GPC6: variants seen among roughly 807,000 people sequenced by gnomAD.
The protein encoded by GPC6 is glypican 6, also known as glypican-6.
In GPC6, 14 loss-of-function variants were observed where a neutral mutation model predicts 55.2. The observed-to-expected ratio is 0.25, with a 90% confidence interval of 0.17 to 0.40. The LOEUF is 0.40. Among genes scored for constraint, GPC6 ranks in the 10% least tolerant of loss-of-function variants. GPC6 has a pLI of 1.00. For missense variants in GPC6, 641 were observed against 708.5 expected (o/e 0.90, Z 1.08); for synonymous variants, 278 against 259.6 (o/e 1.07, Z -0.68).
rs73544615 is a variant in GPC6 at position 93,360,507 on chromosome 13, G to A, written c.160+132891G>A. On this transcript the variant is annotated intron_variant, in intron 1 of 8. Coordinates refer to ENST00000377047, the MANE Select transcript of GPC6 (RefSeq NM_005708.5). ...GTTAGTATGGTCCACGGATACCAGA[G>A]CCTATAAAATAATATCATGGATTTA... is the stretch of plus-strand genomic sequence containing the variant. Among the ~76,000 whole-genome samples the A allele has an allele frequency of 6.4e-3, 976 of 152,272 alleles. 13 individuals are homozygous for A. The highest frequency in any genetic ancestry group is 0.021 in the African/African-American group (865 of 41,556).
At chr13:94,123,718 G>A (rs1057293890) in intron 4 of GPC6, among the ~76,000 whole-genome samples, 2 of 151,996 alleles carry the variant, frequency 1.3e-5, no homozygotes, top group Admixed American at 6.6e-5. Flanking sequence ...AAGGGAGTGG[G>A]GGAGGGGGTA....
rs1222451221 is a variant in GPC6 at position 94,190,088 on chromosome 13, C to T, written c.878-96261C>T. ...CCTGTAATCCCAACACTTTGGGAGG[C>T]CAAGGGGGGCAGATCACCTGAGCCC... On this transcript the variant is annotated intron_variant, in intron 4 of 8. Transcript: ENST00000377047. 2.6e-5 allele frequency among the ~76,000 whole-genome samples: 4 copies of T among 151,702 alleles called. No homozygotes were observed. The East Asian group carries it at 7.8e-4, about 30-fold the overall frequency.
At chr13:93,352,092 A>C (rs1880651536) in intron 1 of GPC6, among the ~76,000 whole-genome samples, 1 of 152,184 alleles carries the variant, frequency 6.6e-6, no homozygotes, top group Non-Finnish European at 1.5e-5. Flanking sequence ...AATCAGGAGT[A>C]ATTACTTAAT....
chr13:93,981,016 A>G (rs575637758), intron 3 of GPC6, among the ~76,000 whole-genome samples: 2 of 152,258 alleles, frequency 1.3e-5, no homozygotes, highest in Non-Finnish European at 1.5e-5. Context: ...GCTATTTTCT[A>G]TTACCTCAAA....
intron 3 of GPC6, among the ~76,000 whole-genome samples, chr13:93,946,555 A>G (rs552506989): frequency 6.6e-6 from 1 of 152,374 alleles, no homozygotes; most frequent in East Asian, 1.9e-4. Context: ...CAAGTGGTAT[A>G]AGGACACACA....
chr13:93,596,778 A>C (rs534965690), intron 2 of GPC6, among the ~76,000 whole-genome samples: 48 of 148,652 alleles, frequency 3.2e-4, no homozygotes, highest in Admixed American at 1.1e-3. Context: ...ATATACACAC[A>C]TACACAGGTA....
At chr13:94,042,756 C>T (rs1883586149) in intron 4 of GPC6, among the ~76,000 whole-genome samples, 1 of 151,878 alleles carries the variant, frequency 6.6e-6, no homozygotes, top group Non-Finnish European at 1.5e-5. Flanking sequence ...TCTCCTCAAC[C>T]TTTCACCTCT....
At position 93,545,420 on chromosome 13, in the gene GPC6, C is replaced by G; in HGVS notation, c.318C>G (p.Asp106Glu). The G allele has an allele frequency of 1.9e-6, 3 of 1,612,638 alleles. No homozygotes were observed. Among genetic ancestry groups the G allele is most frequent in the South Asian group, 1.1e-5 (1 of 91,052 alleles). Residue 106 changes from aspartate (D) to glutamate (E), a missense_variant and splice_region_variant, in exon 2 of 9, where the codon GAC becomes GAG. Coordinates refer to ENST00000377047, the MANE Select transcript of GPC6 (RefSeq NM_005708.5). ...TTFVSRHKKFDEFFRELLENA... is the reference protein window; with the variant it reads ...TTFVSRHKKFEEFFRELLENA... Reference sequence around the variant, plus strand: ...TTGTGTCCAGGCATAAGAAATTTGACGGTAGGTGAAATGGTTTTCACTTCA... The same window carrying G: ...TTGTGTCCAGGCATAAGAAATTTGAGGGTAGGTGAAATGGTTTTCACTTCA...
At chr13:93,680,444 A>G (rs1191211997) in intron 2 of GPC6, among the ~76,000 whole-genome samples, 1 of 152,160 alleles carries the variant, frequency 6.6e-6, no homozygotes, top group Non-Finnish European at 1.5e-5. Context: ...GTAATCCAAT[A>G]CAGGGAGATT....
Position 93,775,854 on chromosome 13 carries a change from T to C in GPC6, c.320-54300T>C, listed in dbSNP as rs527455673. Among the ~76,000 whole-genome samples, 9 of 152,256 alleles carry C rather than the reference T, an allele frequency of 5.9e-5. No homozygotes were observed. The South Asian group carries it at 1.7e-3, about 28-fold the overall frequency. ...AGAGTTTTAAAGTTACTTAGAGATA[T>C]AGTGCTGTCAGAAAATAATTCTCTG... On this transcript the variant is annotated intron_variant, in intron 2 of 8. Transcript: ENST00000377047.
chr13:94,068,967 G>T (rs1168853895), intron 4 of GPC6, among the ~76,000 whole-genome samples: 1 of 152,174 alleles, frequency 6.6e-6, no homozygotes, highest in African/African-American at 2.4e-5. Context: ...GAGGACAGTG[G>T]CCCTTTTCTC....
intron 1 of GPC6, among the ~76,000 whole-genome samples, chr13:93,452,391 T>G (rs1355666178): frequency 6.6e-6 from 1 of 152,214 alleles, no homozygotes; most frequent in African/African-American, 2.4e-5. Flanking sequence ...CAATTAACAA[T>G]AGCTGATCTA....
At chr13:93,913,750 G>A (rs1380976417) in intron 3 of GPC6, among the ~76,000 whole-genome samples, 1 of 152,108 alleles carries the variant, frequency 6.6e-6, no homozygotes, top group African/African-American at 2.4e-5. Flanking sequence ...GGAGCGTGAT[G>A]GCAACAACCG....
At chr13:94,142,166 A>G (rs1179987305) in intron 4 of GPC6, among the ~76,000 whole-genome samples, 1 of 152,224 alleles carries the variant, frequency 6.6e-6, no homozygotes, top group Non-Finnish European at 1.5e-5. Flanking sequence ...AGACGCATTT[A>G]AAAGAATACA....
intron 2 of GPC6, among the ~76,000 whole-genome samples, chr13:93,575,324 A>G (rs1360520666): frequency 2.6e-5 from 4 of 152,164 alleles, no homozygotes; most frequent in South Asian, 2.1e-4. Flanking sequence ...TGTCTATTAC[A>G]TATGACTTAA....
At chr13:94,309,710 C>G (rs1161737410) in intron 6 of GPC6, among the ~76,000 whole-genome samples, 4 of 152,168 alleles carry the variant, frequency 2.6e-5, no homozygotes, top group African/African-American at 9.7e-5. Flanking sequence ...GGAAAGCCAA[C>G]TCATCTGAGT....
At chr13:93,364,080 C>T (rs28525220) in intron 1 of GPC6, among the ~76,000 whole-genome samples, 1 of 152,060 alleles carries the variant, frequency 6.6e-6, no homozygotes, top group Non-Finnish European at 1.5e-5. Context: ...TTCCATTCTG[C>T]AGGTTGCCTG....
Position 93,525,311 on chromosome 13 carries a change from T to C in GPC6, c.161-19952T>C, listed in dbSNP as rs576868726. ...GCTCTCCACTGTGCTTTGGGCAAAG[T>C]GTCAGGAACATGCCCCCCAAGAGGT... is the stretch of plus-strand genomic sequence containing the variant. On this transcript the variant is annotated intron_variant, in intron 1 of 8. Coordinates refer to ENST00000377047, the MANE Select transcript of GPC6 (RefSeq NM_005708.5). Among the ~76,000 whole-genome samples, 38 of 152,212 alleles carry C rather than the reference T, an allele frequency of 2.5e-4. No homozygotes were observed. In the South Asian group the frequency reaches 7.2e-3, roughly 29 times the overall value.
chr13:93,588,662 A>C (rs1264852536), intron 2 of GPC6, among the ~76,000 whole-genome samples: 3 of 152,118 alleles, frequency 2.0e-5, no homozygotes, highest in African/African-American at 7.2e-5. Flanking sequence ...ATCATGGTGG[A>C]GCAGGCATAT....
Sources: gnomAD v4.1 joint callset for allele counts (sites outside exome capture counted in the v4.1 genomes callset) on GRCh38, gnomAD v4.1.1 for gene constraint, MANE v1.5 for transcripts, NCBI Gene and HGNC (gene_info 2026-07-23, HGNC 2026-07-21) for gene names.